The following ZFP1 variants were observed in gnomAD, a reference collection of about 807,000 sequenced individuals.
The protein encoded by ZFP1 is ZFP1 zinc finger protein.
ZFP1 carries 32 observed loss-of-function variants against 38.5 expected under a neutral mutation model. That is an observed-to-expected ratio of 0.83 (90% CI 0.63 to 1.12). The LOEUF (loss-of-function observed/expected upper bound fraction) is 1.12, where lower values mean the gene tolerates loss of function less well. Ranked by LOEUF, ZFP1 falls within the 50% of genes most tolerant of loss-of-function variation. The pLI, the probability that ZFP1 is intolerant of heterozygous loss-of-function variation, is 0.00. For synonymous variants in ZFP1, 245 were observed against 168.8 expected (o/e 1.45, Z -3.50); for missense variants, 616 against 480.8 (o/e 1.28, Z -2.63).
upstream of ZFP1, chr16:75,144,220 G>A (rs1203084636): frequency 6.6e-6 from 1 of 152,196 alleles, no homozygotes; most frequent in Non-Finnish European, 1.5e-5. Context: ...GTATGTGTGT[G>A]TGGGGGGAGT....
chr16:75,142,362 T>TAA, the ZFP1 span, among the ~76,000 whole-genome samples: 21 of 136,440 alleles, frequency 1.5e-4, no homozygotes, highest in African/African-American at 3.7e-4. Flanking sequence ...CAAGACTTCC[T>TAA]AAAAAAAAAA....
chr16:75,126,997 A>C, the ZFP1 span, among the ~76,000 whole-genome samples: 1 of 152,174 alleles, frequency 6.6e-6, no homozygotes, highest in Non-Finnish European at 1.5e-5. Context: ...AATTATGAGA[A>C]ACTCCTATAA....
intron 1 of ZFP1, among the ~76,000 whole-genome samples, chr16:75,149,929 C>T (rs1432579869): frequency 6.6e-6 from 1 of 151,738 alleles, no homozygotes; most frequent in Non-Finnish European, 1.5e-5. Context: ...GGATTACAGG[C>T]ACCCGCCACT....
At chr16:75,150,479 A>T (rs939406166) in intron 1 of ZFP1, among the ~76,000 whole-genome samples, 2 of 152,140 alleles carry the variant, frequency 1.3e-5, no homozygotes, top group Non-Finnish European at 2.9e-5. Context: ...TCGGCCTTGC[A>T]AAGTGCTGGG....
In ZFP1 at chr16:75,171,550, G is replaced by A. The variant is rs2038435095; in HGVS notation, c.*1216G>A. The A allele has an allele frequency of 6.6e-6, 1 of 152,048 alleles. No individual in the cohort carries two copies. The allele number at this position is 152,048 out of a possible 1,614,324, so 9.4% of individuals were successfully genotyped here. A position where few individuals can be genotyped will look rare whatever the true frequency, so the allele number is the denominator to read the frequency against. On this transcript the variant is annotated 3_prime_UTR_variant, in exon 4 of 4. Transcript: ENST00000570010. ...TTTATAAAAATCAGATTTTTCAGTG[G>A]TCTCTCCAGATATTAACAAGAATTG... is the stretch of plus-strand genomic sequence containing the variant.
chr16:75,147,674 C>G (rs1345781138), upstream of ZFP1, among the ~76,000 whole-genome samples: 4 of 152,082 alleles, frequency 2.6e-5, no homozygotes, highest in East Asian at 7.7e-4. Context: ...GTTGTGTGTG[C>G]TGGGGGGACA....
At chr16:75,132,376 C>CAA in the ZFP1 span, 1,032 of 138,514 alleles carry the variant, frequency 7.5e-3, 10 homozygotes, top group African/African-American at 0.02. Flanking sequence ...GACCCTGTCT[C>CAA]AAAAAAAAAA....
the ZFP1 span, chr16:75,132,686 T>G: frequency 7.0e-6 from 1 of 142,512 alleles, no homozygotes; most frequent in African/African-American, 2.6e-5. Context: ...AGACAGAGTC[T>G]CACTCTGTTG....
At chr16:75,151,629 A>G (rs1367350284) in intron 1 of ZFP1, among the ~76,000 whole-genome samples, 3 of 152,282 alleles carry the variant, frequency 2.0e-5, no homozygotes, top group East Asian at 1.9e-4. Context: ...CGTCTTTTGC[A>G]TTATTGTTGT....
upstream of ZFP1, chr16:75,144,082 T>A (rs922907030): frequency 2.0e-5 from 3 of 152,224 alleles, no homozygotes; most frequent in Non-Finnish European, 4.4e-5. Flanking sequence ...TCTCTTTATT[T>A]TTCAGGGAAA....
At position 75,170,012 on chromosome 16, in the gene ZFP1, G is replaced by A. The variant is rs766333557; in HGVS notation, c.902G>A (p.Cys301Tyr). 1 of 1,614,172 alleles carries A rather than the reference G, an allele frequency of 6.2e-7. No individual in the cohort carries two copies. The highest frequency in any genetic ancestry group is 2.2e-5 in the East Asian group (1 of 44,890). Residue 301 changes from cysteine (C) to tyrosine (Y), a missense_variant, in exon 4 of 4, where the codon TGT (cysteine) becomes TAT (tyrosine). Cys to Tyr is a radical substitution (Grantham distance 194). Transcript: ENST00000570010. ...TGERPYECNE[C>Y]AKTFFKKSNL... ...GAGCGACCCTATGAGTGTAACGAAT[G>A]TGCAAAAACCTTCTTTAAGAAGTCA...
intron 2 of ZFP1, chr16:75,166,544 ATC>A: frequency 1.0e-6 from 1 of 985,122 alleles, no homozygotes; most frequent in African/African-American, 1.7e-5. Flanking sequence ...TGTTTTATTA[ATC>A]TGAGACACCT....
intron 3 of ZFP1, among the ~76,000 whole-genome samples, chr16:75,167,672 G>T (rs1157402415): frequency 1.3e-5 from 2 of 152,098 alleles, no homozygotes; most frequent in Non-Finnish European, 2.9e-5. Context: ...ACATCACGGT[G>T]CACTGTAGCG....
At chr16:75,151,321 T>C (rs1862739) in intron 1 of ZFP1, among the ~76,000 whole-genome samples, 119,177 of 152,066 alleles carry the variant, frequency 0.78, 47,862 homozygotes, top group Non-Finnish European at 0.87. Flanking sequence ...ACCTCTGTTA[T>C]TTAATTGGTG....
In ZFP1 at chr16:75,170,550, A is replaced by T; in HGVS notation, c.*216A>T. ...ACATATCAGAATATATCCAGTTGTA[A>T]ATAGCCATACCCAGTTGTACTACAA... On this transcript the variant is annotated 3_prime_UTR_variant, in exon 4 of 4. Coordinates refer to ENST00000570010, the MANE Select transcript of ZFP1 (RefSeq NM_153688.4). 1.7e-6 allele frequency: 1 copy of T among 593,510 alleles called. No individual in the cohort carries two copies. The highest frequency in any genetic ancestry group is 2.6e-6 in the Non-Finnish European group (1 of 391,554). 36.8% of individuals were successfully genotyped at this position (593,510 alleles called of 1,614,324 possible).
chr16:75,166,767 C>G lies in ZFP1; in HGVS notation c.16-3C>G, dbSNP rs530070871. On this transcript the variant is annotated splice_region_variant and splice_polypyrimidine_tract_variant and intron_variant, in intron 2 of 3. Coordinates refer to ENST00000570010, the MANE Select transcript of ZFP1 (RefSeq NM_153688.4). ...TAGGATGAATAACAATATGCCATTT[C>G]AGGGATCAGTTTCATTCACGGATGT... 3.7e-6 allele frequency: 6 copies of G among 1,614,054 alleles called. No individual in the cohort carries two copies. In the South Asian group the frequency reaches 5.5e-5, roughly 15 times the overall value.
chr16:75,159,815 T>C (rs1251264491), intron 2 of ZFP1, among the ~76,000 whole-genome samples: 2 of 152,230 alleles, frequency 1.3e-5, no homozygotes, highest in Non-Finnish European at 2.9e-5. Flanking sequence ...GATAGCTAAA[T>C]TATTGGCAGA....
chr16:75,160,405 C>A (rs893068799), intron 2 of ZFP1, among the ~76,000 whole-genome samples: 6 of 151,812 alleles, frequency 4.0e-5, no homozygotes, highest in Non-Finnish European at 7.4e-5. Flanking sequence ...CTGTACTAAA[C>A]CCCATCTGTA....
chr16:75,161,758 A>ATATATATATATATATATATATG (rs1491213932), intron 2 of ZFP1, among the ~76,000 whole-genome samples: 4 of 8,110 alleles, frequency 4.9e-4, no homozygotes, highest in Non-Finnish European at 8.7e-4. Flanking sequence ...GTTTTATGAA[A>ATATATATATATATATATATATG]TATATATATA....
Sources: allele counts gnomAD v4.1 joint callset (sites outside exome capture counted in the v4.1 genomes callset), GRCh38; gene constraint gnomAD v4.1.1; transcripts MANE v1.5; gene names NCBI Gene and HGNC (gene_info 2026-07-23, HGNC 2026-07-21).